Variants in CDH18 observed in about 807,000 individuals in gnomAD.
CDH18 encodes the protein cadherin 18.
A neutral mutation model predicts 67.9 loss-of-function variants in CDH18; 31 were observed. The observed-to-expected ratio is 0.46, with a 90% CI of 0.34 to 0.62. The LOEUF (loss-of-function observed/expected upper bound fraction) is 0.62. Ranked by LOEUF, CDH18 falls within the 20% of genes least tolerant of loss-of-function variation. CDH18 has a pLI of 0.01. For missense variants in CDH18, 890 were observed against 975.5 expected (o/e 0.91, Z 1.17); for synonymous variants, 362 against 347.2 (o/e 1.04, Z -0.48).
At chr5:19,783,006 T>C (rs1251393429) in intron 3 of CDH18, among the ~76,000 whole-genome samples, 2 of 152,204 alleles carry the variant, frequency 1.3e-5, no homozygotes, top group African/African-American at 4.8e-5. Context: ...TTTAATACTT[T>C]GTGTAGTCTG....
intron 1 of CDH18, among the ~76,000 whole-genome samples, chr5:20,375,203 C>A (rs1223026509): frequency 2.6e-5 from 4 of 152,132 alleles, no homozygotes; most frequent in African/African-American, 9.7e-5. Context: ...CAACACATTT[C>A]TTTTAATATG....
intron 2 of CDH18, among the ~76,000 whole-genome samples, chr5:20,100,435 T>C (rs1746355817): frequency 6.6e-6 from 1 of 152,198 alleles, no homozygotes; most frequent in African/African-American, 2.4e-5. Flanking sequence ...TAACTAAAAC[T>C]GCAGTTATAT....
At chr5:20,439,189 A>G (rs997440909) in intron 1 of CDH18, among the ~76,000 whole-genome samples, 10 of 151,454 alleles carry the variant, frequency 6.6e-5, no homozygotes, top group African/African-American at 2.4e-4. Flanking sequence ...AAACTTTTGC[A>G]CTAATCAAAT....
chr5:20,268,802 T>C (rs1745230432), intron 1 of CDH18, among the ~76,000 whole-genome samples: 1 of 152,160 alleles, frequency 6.6e-6, no homozygotes, highest in African/African-American at 2.4e-5. Context: ...GGAAAACTCT[T>C]CTGGACATTG....
intron 2 of CDH18, among the ~76,000 whole-genome samples, chr5:20,218,237 A>C (rs769232454): frequency 6.6e-6 from 1 of 151,988 alleles, no homozygotes; most frequent in Non-Finnish European, 1.5e-5. Context: ...AGGCACATGG[A>C]TGACACTCAA....
chr5:19,972,421 A>G (rs965127581), intron 2 of CDH18, among the ~76,000 whole-genome samples: 1 of 152,084 alleles, frequency 6.6e-6, no homozygotes, highest in Non-Finnish European at 1.5e-5. Flanking sequence ...CCAAATGGTA[A>G]AAGTTGTTTT....
chr5:19,512,370 A>G (rs989383943), intron 10 of CDH18, among the ~76,000 whole-genome samples: 1 of 152,174 alleles, frequency 6.6e-6, no homozygotes, highest in African/African-American at 2.4e-5. Context: ...TCATATTTCA[A>G]ATGATATTTT....
At chr5:19,546,967 G>A (rs894452428) in intron 8 of CDH18, among the ~76,000 whole-genome samples, 16 of 151,974 alleles carry the variant, frequency 1.1e-4, no homozygotes, top group South Asian at 2.1e-4. Context: ...AACAAGAAAA[G>A]GTACAACTCT....
intron 2 of CDH18, among the ~76,000 whole-genome samples, chr5:20,162,470 G>A (rs902492026): frequency 3.5e-5 from 5 of 144,016 alleles, no homozygotes; most frequent in African/African-American, 1.3e-4. Flanking sequence ...ACATATGGAC[G>A]ATATATGGTA....
At chr5:20,150,972 T>C (rs2126567263) in intron 2 of CDH18, among the ~76,000 whole-genome samples, 1 of 152,248 alleles carries the variant, frequency 6.6e-6, no homozygotes, top group East Asian at 1.9e-4. Context: ...CTTTGGTTTA[T>C]TTGATGACTC....
chr5:20,457,030 T>A (rs1211330129), intron 1 of CDH18, among the ~76,000 whole-genome samples: 1 of 152,188 alleles, frequency 6.6e-6, no homozygotes, highest in Non-Finnish European at 1.5e-5. Flanking sequence ...GTTTTAAGCT[T>A]TTAAAAGAAG....
At chr5:20,383,033 C>T (rs546416078) in intron 1 of CDH18, among the ~76,000 whole-genome samples, 14 of 152,064 alleles carry the variant, frequency 9.2e-5, no homozygotes, top group African/African-American at 1.9e-4. Flanking sequence ...CCTTACCTGC[C>T]GCTTTTGACA....
rs987237088 is a variant in CDH18 at position 19,575,112 on chromosome 5, A to G, written c.1000-3280T>C. Among the ~76,000 whole-genome samples, 6 of 152,196 alleles carry G rather than the reference A, an allele frequency of 3.9e-5. No individual in the cohort carries two copies. The South Asian group carries it at 1.2e-3, about 32-fold the overall frequency. On this transcript the variant is annotated intron_variant, in intron 7 of 12. Coordinates refer to ENST00000382275, the MANE Select transcript of CDH18 (RefSeq NM_004934.5). ...ATGAGTGCTATTTTCAGTGTTGCCAAATTCAATCATTTAAACTACTGGATG... is the reference window on the plus strand; with the variant it reads ...ATGAGTGCTATTTTCAGTGTTGCCAGATTCAATCATTTAAACTACTGGATG...
chr5:20,080,116 C>G (rs565126126), intron 2 of CDH18, among the ~76,000 whole-genome samples: 3 of 152,258 alleles, frequency 2.0e-5, no homozygotes, highest in East Asian at 3.9e-4. Flanking sequence ...TATATGCACA[C>G]TATATTTATG....
In CDH18 at chr5:20,216,154, T is replaced by C. The variant is rs1580500052; in HGVS notation, c.-518+39290A>G. Among the ~76,000 whole-genome samples the C allele has an allele frequency of 4.0e-5, 6 of 151,848 alleles. 2 individuals are homozygous for C. The South Asian group carries it at 1.2e-3, about 31-fold the overall frequency. Reference sequence around the variant, plus strand: ...AAGTTAAAAAATCCAATTGCAGTAGTAACATGAAAGATAAATGATCAAAGA... The same window carrying C: ...AAGTTAAAAAATCCAATTGCAGTAGCAACATGAAAGATAAATGATCAAAGA... On this transcript the variant is annotated intron_variant, in intron 2 of 14. Transcript: ENST00000507958.
intron 6 of CDH18, among the ~76,000 whole-genome samples, chr5:19,606,363 TATG>T (rs1002421896): frequency 1.3e-5 from 2 of 152,074 alleles, no homozygotes; most frequent in Non-Finnish European, 2.9e-5. Flanking sequence ...CAGGCATGAT[TATG>T]ATATTAGAAT....
chr5:20,280,441 G>C (rs1398451813), intron 1 of CDH18, among the ~76,000 whole-genome samples: 1 of 152,082 alleles, frequency 6.6e-6, no homozygotes, highest in African/African-American at 2.4e-5. Flanking sequence ...TCCCACCTAT[G>C]AGTGAGAACA....
At chr5:20,321,779 C>T (rs1738047811) in intron 1 of CDH18, among the ~76,000 whole-genome samples, 1 of 151,888 alleles carries the variant, frequency 6.6e-6, no homozygotes, top group Non-Finnish European at 1.5e-5. Context: ...GAAAGCAAAG[C>T]AAAGAAAAAA....
At chr5:19,874,830 G>A (rs1329509822) in intron 2 of CDH18, among the ~76,000 whole-genome samples, 1 of 152,182 alleles carries the variant, frequency 6.6e-6, no homozygotes, top group Non-Finnish European at 1.5e-5. Flanking sequence ...CTGTAGCTCA[G>A]TTTTTACACA....
Sources: gnomAD v4.1 joint callset for allele counts (sites outside exome capture counted in the v4.1 genomes callset) on GRCh38, gnomAD v4.1.1 for gene constraint, MANE v1.5 for transcripts, NCBI Gene and HGNC (gene_info 2026-07-23, HGNC 2026-07-21) for gene names.